MYO7A: variants seen among roughly 807,000 people sequenced by gnomAD.
MYO7A encodes unconventional myosin-VIIa.
Under a neutral mutation model 263.8 loss-of-function variants are expected in MYO7A, and 210 were observed. The ratio of observed to expected loss-of-function variants is 0.80; its 90% confidence interval spans 0.71 to 0.89. MYO7A has a LOEUF of 0.89. Among genes scored for constraint, MYO7A ranks in the 40% least tolerant of loss-of-function variants. The pLI is 0.00. For missense variants in MYO7A, 2,820 were observed against 2,968.3 expected, an observed-to-expected ratio of 0.95 and a Z score of 1.16; for synonymous variants, 1,239 against 1,197.3, an observed-to-expected ratio of 1.03 and a Z score of -0.72.
chr11:77,194,612 G>T, intron 32 of MYO7A, 88 bp downstream of exon 32: 1 of 1,387,968 alleles, frequency 7.2e-7, no homozygotes, highest in Non-Finnish European at 9.6e-7. Context: ...TCTCTGTTGG[G>T]GCTGCGGGGG....
At chr11:77,198,372 C>G in intron 33 of MYO7A, 123 bp from the exon 34 acceptor site, 2 of 1,311,158 alleles carry the variant, frequency 1.5e-6, no homozygotes, top group Admixed American at 2.4e-5. Flanking sequence ...CTCTCTGAGC[C>G]TCAGTTTCCA....
In MYO7A at chr11:77,211,424, C is replaced by A. The variant is rs76165756; in HGVS notation, c.6237+87C>A. The A allele has an allele frequency of 1.5e-3, 2,132 of 1,386,058 alleles. 31 individuals carry two copies. The African/African-American group carries it at 0.028, about 18-fold the overall frequency. The allele number at this position is 1,386,058 out of a possible 1,614,324, so 85.9% of individuals were successfully genotyped here. A position where few individuals can be genotyped will look rare whatever the true frequency, so the allele number is the denominator to read the frequency against. On this transcript the variant is annotated intron_variant, in intron 45 of 48. Coordinates refer to ENST00000409709, the MANE Select transcript of MYO7A (RefSeq NM_000260.4). ...GGCCAAGGGGGCAGACACTGGCCAG[C>A]AGCCCAGGGAGGTGCATCTTGTGGT...
intron 48 of MYO7A, 39 bp from the exon 49 acceptor site, chr11:77,214,568 C>T (rs1319116861): frequency 1.4e-6 from 2 of 1,447,136 alleles, no homozygotes; most frequent in South Asian, 1.2e-5. Flanking sequence ...TGGCCCTGTC[C>T]CACCGTGTGC....
At chr11:77,207,254 C>A in intron 41 of MYO7A, 35 bp from the exon 42 acceptor site, 3 of 1,500,044 alleles carry the variant, frequency 2.0e-6, no homozygotes, top group Non-Finnish European at 2.7e-6. Context: ...CCGGGAAAGG[C>A]CCTGCAGGAG....
intron 14 of MYO7A, among the ~76,000 whole-genome samples, chr11:77,163,772 T>A (rs1482434937): frequency 6.6e-6 from 1 of 152,154 alleles, no homozygotes; most frequent in Non-Finnish European, 1.5e-5. Context: ...TTTTTATGGC[T>A]GAATAGTATT....
intron 15 of MYO7A, among the ~76,000 whole-genome samples, chr11:77,170,050 G>A (rs781839563): frequency 2.0e-5 from 3 of 152,196 alleles, no homozygotes; most frequent in South Asian, 2.1e-4. Flanking sequence ...CAGCCTGGGC[G>A]ACAGAGTGAG....
intron 15 of MYO7A, 82 bp from the exon 16 acceptor site, chr11:77,172,666 C>G: frequency 6.6e-7 from 1 of 1,526,476 alleles, no homozygotes; most frequent in Non-Finnish European, 8.8e-7. Context: ...CTGACCTCCC[C>G]TCCCGCTTCC....
chr11:77,149,740 A>G (rs1388276990), intron 4 of MYO7A, among the ~76,000 whole-genome samples: 1 of 152,092 alleles, frequency 6.6e-6, no homozygotes, highest in Non-Finnish European at 1.5e-5. Context: ...TGGGCATAGG[A>G]AGTGGCTTTC....
chr11:77,164,799 C>T (rs7104528), intron 14 of MYO7A, among the ~76,000 whole-genome samples: 55,453 of 151,992 alleles, frequency 0.36, 10,347 homozygotes, highest in Admixed American at 0.41. Flanking sequence ...TATAGAACGC[C>T]AGGTCTGGAG....
chr11:77,207,217 G>A (rs1015971947), intron 41 of MYO7A, 72 bp from the exon 42 acceptor site: 9 of 1,109,522 alleles, frequency 8.1e-6, no homozygotes, highest in African/African-American at 1.6e-5. Flanking sequence ...AGGAGGCATA[G>A]CCAGAGGGGC....
chr11:77,140,179 T>C (rs2135587658), intron 2 of MYO7A, among the ~76,000 whole-genome samples: 1 of 152,338 alleles, frequency 6.6e-6, no homozygotes, highest in East Asian at 1.9e-4. Context: ...AAACATTTTC[T>C]GTGTGCCAGG....
chr11:77,211,714 G>A, intron 45 of MYO7A, 107 bp from the exon 46 acceptor site: 1 of 814,416 alleles, frequency 1.2e-6, no homozygotes, highest in Non-Finnish European at 2.1e-6. Flanking sequence ...AGACGGGGCT[G>A]GAGTGGGCAG....
chr11:77,154,267 G>A (rs1314839718), intron 4 of MYO7A, among the ~76,000 whole-genome samples: 1 of 152,162 alleles, frequency 6.6e-6, no homozygotes, highest in African/African-American at 2.4e-5. Flanking sequence ...TGTTCTTTGG[G>A]GCTGGTTCCT....
At chr11:77,149,173 TC>T (rs1207999516) in intron 4 of MYO7A, among the ~76,000 whole-genome samples, 1 of 152,008 alleles carries the variant, frequency 6.6e-6, no homozygotes, top group East Asian at 1.9e-4. Flanking sequence ...AGCCCCATCC[TC>T]CCGCAGCCCA....
intron 19 of MYO7A, among the ~76,000 whole-genome samples, chr11:77,178,256 C>CA (rs1368509171): frequency 2.2e-5 from 2 of 89,248 alleles, no homozygotes; most frequent in South Asian, 7.6e-4. Context: ...CATCCACCCG[C>CA]CCACACACCC....
intron 32 of MYO7A, among the ~76,000 whole-genome samples, chr11:77,196,710 A>T (rs1397106682): frequency 7.7e-6 from 1 of 129,478 alleles, no homozygotes; most frequent in Non-Finnish European, 1.6e-5. Flanking sequence ...CACCGCTCTC[A>T]GGATGGCACC....
chr11:77,205,706 C>T, intron 40 of MYO7A, 89 bp downstream of exon 40: 1 of 1,546,044 alleles, frequency 6.5e-7, no homozygotes, highest in South Asian at 1.2e-5. Flanking sequence ...GGGATGAGGA[C>T]CACATAGCAG....
At chr11:77,208,334 C>T in intron 42 of MYO7A, 96 bp from the exon 43 acceptor site, 1 of 960,696 alleles carries the variant, frequency 1.0e-6, no homozygotes, top group Non-Finnish European at 1.6e-6. Flanking sequence ...TGGAGTCTTC[C>T]CTGAGAAGGA....
At position 77,148,013 on chromosome 11, in the gene MYO7A, C is replaced by T. The variant is rs1277301643; in HGVS notation, c.285+63C>T. The stretch of plus-strand genomic sequence containing the variant: ...TCAGGCCCCGCCCCGCCCACCTCGC[C>T]CCACCCCGCCCGACTTGCCTCCGGC... On this transcript the variant is annotated intron_variant, in intron 4 of 48. Coordinates refer to ENST00000409709, the MANE Select transcript of MYO7A (RefSeq NM_000260.4). 9 of 1,400,026 alleles carry T rather than the reference C, an allele frequency of 6.4e-6. No homozygotes were observed. In the East Asian group the frequency reaches 1.1e-4, roughly 17 times the overall value. 86.7% of individuals were successfully genotyped at this position (1,400,026 alleles called of 1,614,324 possible). A position where few individuals can be genotyped will look rare whatever the true frequency, so the allele number is the denominator to read the frequency against.
Sources: gnomAD v4.1 joint callset for allele counts (sites outside exome capture counted in the v4.1 genomes callset) on GRCh38, gnomAD v4.1.1 for gene constraint, MANE v1.5 for transcripts, NCBI Gene and HGNC (gene_info 2026-07-23, HGNC 2026-07-21) for gene names.